TRMT11: variants seen among roughly 807,000 people sequenced by gnomAD.
TRMT11 encodes the protein tRNA (guanine(10)-N(2))-methyltransferase TRMT11.
TRMT11 carries 53 observed loss-of-function variants against 62.8 expected under a neutral mutation model. The observed-to-expected ratio is 0.84, with a 90% CI of 0.68 to 1.06. The LOEUF (loss-of-function observed/expected upper bound fraction) is 1.06, where lower values mean the gene tolerates loss of function less well. Ranked by LOEUF, TRMT11 falls within the 50% of genes least tolerant of loss-of-function variation. The probability of loss-of-function intolerance (pLI) is 0.00; values close to 1 mark genes in which losing one functional copy is unlikely to be tolerated. For missense variants in TRMT11, 556 were observed against 553.4 expected, an observed-to-expected ratio of 1.00 and a Z score of -0.05; for synonymous variants, 188 against 190.3, an observed-to-expected ratio of 0.99 and a Z score of 0.10.
intron 17 of TRMT11, among the ~76,000 whole-genome samples, chr6:126,104,806 T>C (rs973898039): frequency 5.6e-4 from 86 of 152,372 alleles, no homozygotes; most frequent in African/African-American, 1.9e-3. Flanking sequence ...TTAATCTTCA[T>C]GAAAACCCTT....
chr6:126,178,412 C>G (rs1778415863), intron 1 of TRMT11, among the ~76,000 whole-genome samples: 1 of 152,136 alleles, frequency 6.6e-6, no homozygotes, highest in South Asian at 2.1e-4. Context: ...GTTAGCCCAC[C>G]CCTGCTTTTG....
chr6:126,056,775 C>T (rs1368087702), intron 17 of TRMT11, among the ~76,000 whole-genome samples: 2 of 152,260 alleles, frequency 1.3e-5, no homozygotes, highest in African/African-American at 2.4e-5. Flanking sequence ...CTCTGATGTG[C>T]GGTTAAATGT....
the TRMT11 span, among the ~76,000 whole-genome samples, chr6:126,239,253 A>T: frequency 6.6e-6 from 1 of 152,114 alleles, no homozygotes; most frequent in African/African-American, 2.4e-5. Context: ...TGTCATTACG[A>T]TGTTAGCTGG....
intron 17 of TRMT11, among the ~76,000 whole-genome samples, chr6:126,110,706 A>T (rs1451722582): frequency 1.3e-5 from 2 of 152,128 alleles, no homozygotes; most frequent in East Asian, 1.9e-4. Flanking sequence ...GTGCACACAC[A>T]CGTGCATACA....
At chr6:125,999,166 T>C (rs1054057209) in intron 6 of TRMT11, among the ~76,000 whole-genome samples, 32 of 152,164 alleles carry the variant, frequency 2.1e-4, no homozygotes, top group African/African-American at 7.5e-4. Flanking sequence ...TAGAGATTAT[T>C]GTTATGTAGG....
At chr6:126,179,691 G>C (rs1287502116) in intron 1 of TRMT11, among the ~76,000 whole-genome samples, 1 of 152,258 alleles carries the variant, frequency 6.6e-6, no homozygotes, top group East Asian at 1.9e-4. Flanking sequence ...TACATGTCAG[G>C]TTTCACATAT....
At chr6:126,133,018 T>G (rs1777805568) in intron 21 of TRMT11, among the ~76,000 whole-genome samples, 1 of 152,038 alleles carries the variant, frequency 6.6e-6, no homozygotes, top group Non-Finnish European at 1.5e-5. Context: ...GATATTGTTT[T>G]TAAGAGTTAT....
rs559875858 is a variant in TRMT11, at chr6:126,186,653, A to T, written n.143+9318A>T. 3.3e-5 allele frequency among the ~76,000 whole-genome samples: 5 copies of T among 152,206 alleles called. No homozygotes were observed. In the East Asian group the frequency reaches 5.8e-4, roughly 18 times the overall value. On this transcript the variant is annotated intron_variant and non_coding_transcript_variant, in intron 1 of 3. Coordinates refer to the TRMT11 transcript ENST00000444229. ...TTGATTGTGAAACTACCTTTTTATT[A>T]TCTAGGAATCTTTCATATATGTTGT...
At chr6:126,254,659 C>G in the TRMT11 span, among the ~76,000 whole-genome samples, 2 of 151,886 alleles carry the variant, frequency 1.3e-5, no homozygotes, top group African/African-American at 4.8e-5. Context: ...TTTTTTTTCT[C>G]CCTCATCGCT....
intron 7 of TRMT11, among the ~76,000 whole-genome samples, chr6:126,002,074 A>G (rs966676561): frequency 5.9e-5 from 9 of 151,578 alleles, no homozygotes; most frequent in African/African-American, 1.5e-4. Context: ...TTTCTCTTCT[A>G]TTTGTTCAAG....
At chr6:126,244,510 G>A in the TRMT11 span, among the ~76,000 whole-genome samples, 1 of 152,102 alleles carries the variant, frequency 6.6e-6, no homozygotes, top group African/African-American at 2.4e-5. Context: ...GACCTAAAGG[G>A]CAACTATTAC....
At chr6:126,139,966 A>C (rs1031574272) in intron 21 of TRMT11, among the ~76,000 whole-genome samples, 2 of 152,090 alleles carry the variant, frequency 1.3e-5, no homozygotes, top group African/African-American at 4.8e-5. Flanking sequence ...TGGATAGATA[A>C]TGATAGTATT....
chr6:126,083,607 C>T (rs1583870291), intron 17 of TRMT11, among the ~76,000 whole-genome samples: 1 of 152,050 alleles, frequency 6.6e-6, no homozygotes, highest in Non-Finnish European at 1.5e-5. Context: ...ACACACTTTG[C>T]CATTTTTGTT....
chr6:126,082,579 A>T (rs944706640), intron 17 of TRMT11, among the ~76,000 whole-genome samples: 14 of 152,214 alleles, frequency 9.2e-5, no homozygotes, highest in Admixed American at 8.5e-4. Context: ...CTCTAAAATG[A>T]TTTATAATCA....
chr6:126,202,128 C>T (rs952479105), exon 4 of TRMT11: 4 of 152,156 alleles, frequency 2.6e-5, no homozygotes, highest in African/African-American at 9.7e-5. Context: ...CTAACTTAAA[C>T]TCATATGTAG....
chr6:126,135,011 A>G (rs1012710515), intron 21 of TRMT11, among the ~76,000 whole-genome samples: 4 of 151,712 alleles, frequency 2.6e-5, no homozygotes, highest in Admixed American at 1.3e-4. Flanking sequence ...AGGGAATTTT[A>G]TACCAGTAAA....
chr6:125,997,655 G>T (rs578246502), intron 3 of TRMT11, among the ~76,000 whole-genome samples: 4 of 152,222 alleles, frequency 2.6e-5, no homozygotes, highest in East Asian at 1.9e-4. Context: ...CTATGGGTGT[G>T]TGCCACCATG....
At chr6:126,129,590 A>G (rs536759116) in intron 21 of TRMT11, among the ~76,000 whole-genome samples, 78 of 152,100 alleles carry the variant, frequency 5.1e-4, no homozygotes, top group African/African-American at 1.6e-3. Context: ...TGATGCAATC[A>G]TAGCTCACTG....
At chr6:126,051,333 G>T (rs921526115) in intron 16 of TRMT11, among the ~76,000 whole-genome samples, 1 of 152,158 alleles carries the variant, frequency 6.6e-6, no homozygotes, top group Non-Finnish European at 1.5e-5. Flanking sequence ...AGCATGGTAT[G>T]TAGGGAAACT....
Sources: gnomAD v4.1 joint callset for allele counts (sites outside exome capture counted in the v4.1 genomes callset) on GRCh38, gnomAD v4.1.1 for gene constraint, MANE v1.5 for transcripts, NCBI Gene and HGNC (gene_info 2026-07-23, HGNC 2026-07-21) for gene names.